Variants in PHACTR1 observed in about 807,000 individuals in gnomAD.
The protein encoded by PHACTR1 is phosphatase and actin regulator 1.
In PHACTR1, 16 loss-of-function variants were observed where a neutral mutation model predicts 69.2. The observed-to-expected ratio is 0.23, with a 90% CI of 0.16 to 0.35. The LOEUF is 0.35. PHACTR1 is among the 10% of genes least tolerant of loss of function. The pLI is 1.00. For missense variants in PHACTR1, 510 were observed against 734.7 expected (o/e 0.69, Z 3.54); for synonymous variants, 312 against 284.5 (o/e 1.10, Z -0.97).
chr6:13,202,819 A>G (rs1033316548), intron 7 of PHACTR1, among the ~76,000 whole-genome samples: 1 of 152,254 alleles, frequency 6.6e-6, no homozygotes, highest in African/African-American at 2.4e-5. Flanking sequence ...CCCTTCAGTA[A>G]GATGAGCTGG....
chr6:13,114,644 C>T (rs1817542227), intron 5 of PHACTR1, among the ~76,000 whole-genome samples: 1 of 152,138 alleles, frequency 6.6e-6, no homozygotes, highest in Non-Finnish European at 1.5e-5. Context: ...TCCTGCCCTG[C>T]CAGACATTTG....
At chr6:12,975,450 C>T (rs1794757916) in intron 4 of PHACTR1, among the ~76,000 whole-genome samples, 1 of 152,156 alleles carries the variant, frequency 6.6e-6, no homozygotes, top group East Asian at 1.9e-4. Flanking sequence ...ATTTTTTTCT[C>T]TATATCCATT....
intron 4 of PHACTR1, among the ~76,000 whole-genome samples, chr6:12,974,540 A>G (rs904400761): frequency 3.9e-5 from 6 of 152,238 alleles, no homozygotes; most frequent in Admixed American, 3.9e-4. Context: ...TTAACTGCTC[A>G]TGTGACCTTG....
chr6:13,173,954 G>A (rs1760973375), intron 6 of PHACTR1, among the ~76,000 whole-genome samples: 1 of 152,164 alleles, frequency 6.6e-6, no homozygotes, highest in African/African-American at 2.4e-5. Context: ...TGATTCACCT[G>A]CCTCGGCCTC....
intron 4 of PHACTR1, among the ~76,000 whole-genome samples, chr6:12,853,112 A>G (rs1196682165): frequency 6.6e-6 from 1 of 152,220 alleles, no homozygotes; most frequent in African/African-American, 2.4e-5. Flanking sequence ...GCCTATTTCA[A>G]TTCAATTTAT....
At chr6:12,878,018 A>G (rs1417599992) in intron 4 of PHACTR1, among the ~76,000 whole-genome samples, 1 of 152,196 alleles carries the variant, frequency 6.6e-6, no homozygotes, top group Non-Finnish European at 1.5e-5. Context: ...TGTGTTTCCC[A>G]GTCATATCAT....
intron 4 of PHACTR1, among the ~76,000 whole-genome samples, chr6:13,034,628 T>TA (rs1803019775): frequency 6.6e-6 from 1 of 152,178 alleles, no homozygotes; most frequent in African/African-American, 2.4e-5. Context: ...GCTGGGTTGT[T>TA]ATCTGAGTGT....
At chr6:12,723,742 C>T (rs1163113648) in intron 3 of PHACTR1, among the ~76,000 whole-genome samples, 1 of 152,126 alleles carries the variant, frequency 6.6e-6, no homozygotes, top group Non-Finnish European at 1.5e-5. Flanking sequence ...CCACCTCAGC[C>T]TCCCAAAATG....
Position 12,943,536 on chromosome 6 carries a change from T to A in PHACTR1, c.251-109829T>A, listed in dbSNP as rs114989124. Among the ~76,000 whole-genome samples, 846 of 152,322 alleles carry A rather than the reference T, an allele frequency of 5.6e-3. 7 individuals are homozygous for A. The highest frequency in any genetic ancestry group is 0.019 in the African/African-American group (788 of 41,568). ...TTTACATATGTGTATTCTGCCACAA[T>A]GGAAAGAAAAGGTTGTTATGGACCT... On this transcript the variant is annotated intron_variant, in intron 4 of 14. Coordinates refer to ENST00000332995, the MANE Select transcript of PHACTR1 (RefSeq NM_030948.6).
chr6:13,281,250 G>A (rs1390689566), intron 12 of PHACTR1: 4 of 682,788 alleles, frequency 5.9e-6, no homozygotes, highest in South Asian at 5.6e-5. Context: ...CATCATGGGT[G>A]CACTCAGAAA....
chr6:13,171,021 A>G (rs1230725613), intron 6 of PHACTR1, among the ~76,000 whole-genome samples: 1 of 152,214 alleles, frequency 6.6e-6, no homozygotes, highest in African/African-American at 2.4e-5. Flanking sequence ...TTGGGCTTAA[A>G]GGACGTAATC....
At chr6:13,102,221 A>T (rs920024389) in intron 5 of PHACTR1, among the ~76,000 whole-genome samples, 6 of 152,210 alleles carry the variant, frequency 3.9e-5, no homozygotes, top group African/African-American at 1.4e-4. Context: ...GGAAGGAACT[A>T]TTGATTGGGC....
At chr6:12,884,125 C>T (rs1386937039) in intron 4 of PHACTR1, among the ~76,000 whole-genome samples, 1 of 151,914 alleles carries the variant, frequency 6.6e-6, no homozygotes, top group African/African-American at 2.4e-5. Flanking sequence ...CCCACATACA[C>T]ACATGCATAC....
chr6:12,908,173 T>C (rs2127491947), intron 4 of PHACTR1, among the ~76,000 whole-genome samples: 1 of 152,338 alleles, frequency 6.6e-6, no homozygotes, highest in Middle Eastern at 3.4e-3. Context: ...GAATCGCACC[T>C]GGGCCTGGTA....
At chr6:13,065,929 AT>A (rs1808559250) in intron 5 of PHACTR1, among the ~76,000 whole-genome samples, 1 of 150,856 alleles carries the variant, frequency 6.6e-6, no homozygotes, top group Non-Finnish European at 1.5e-5. Flanking sequence ...TGGGTGAATG[AT>A]TGGAGCATTT....
At chr6:13,242,035 C>CAAAAAAA (rs747990237) in intron 10 of PHACTR1, among the ~76,000 whole-genome samples, 1,050 of 58,544 alleles carry the variant, frequency 0.018, 15 homozygotes, top group African/African-American at 0.049. Context: ...GATTCTGTCT[C>CAAAAAAA]AAAAAAAAAA....
At chr6:13,185,623 T>A (rs554846358) in intron 7 of PHACTR1, among the ~76,000 whole-genome samples, 3 of 152,352 alleles carry the variant, frequency 2.0e-5, no homozygotes, top group East Asian at 3.9e-4. Context: ...AATTGAGCAC[T>A]CAGTGAAATT....
Position 13,099,924 on chromosome 6 carries a change from G to A in PHACTR1, c.415+46395G>A, listed in dbSNP as rs541218557. 3.9e-5 allele frequency among the ~76,000 whole-genome samples: 6 copies of A among 152,286 alleles called. No homozygotes were observed. The South Asian group carries it at 1.2e-3, about 32-fold the overall frequency. On this transcript the variant is annotated intron_variant, in intron 5 of 14. Transcript: ENST00000332995. ...GGATGATAGTAAATCAGGAAGGGTTGTTGATTTAATGTCACAACAAGGGCT... is the reference window on the plus strand; with the variant it reads ...GGATGATAGTAAATCAGGAAGGGTTATTGATTTAATGTCACAACAAGGGCT...
intron 5 of PHACTR1, among the ~76,000 whole-genome samples, chr6:13,064,424 G>T (rs927174695): frequency 6.6e-6 from 1 of 150,880 alleles, no homozygotes; most frequent in African/African-American, 2.4e-5. Context: ...TATCTTTAAG[G>T]GTAAACAAGC....
Sources: gnomAD v4.1 joint callset for allele counts (sites outside exome capture counted in the v4.1 genomes callset) on GRCh38, gnomAD v4.1.1 for gene constraint, MANE v1.5 for transcripts, NCBI Gene and HGNC (gene_info 2026-07-23, HGNC 2026-07-21) for gene names.